GAN: variants seen among roughly 807,000 people sequenced by gnomAD.
The protein encoded by GAN is gigaxonin, also known as epididymis secretory sperm binding protein.
Under a neutral mutation model 71.3 loss-of-function variants are expected in GAN, and 48 were observed. That is an observed-to-expected ratio of 0.67 (90% confidence interval 0.53 to 0.86). GAN has a LOEUF of 0.86. Ranked by LOEUF, GAN falls within the 40% of genes least tolerant of loss-of-function variation. The probability of loss-of-function intolerance (pLI) is 0.00; values close to 1 mark genes in which losing one functional copy is unlikely to be tolerated. For missense variants in GAN, 928 were observed against 770.1 expected (o/e 1.21, Z -2.43); for synonymous variants, 386 against 276.8 (o/e 1.39, Z -3.92).
At chr16:81,366,094 G>C (rs1240874994) in intron 9 of GAN, among the ~76,000 whole-genome samples, 1 of 152,142 alleles carries the variant, frequency 6.6e-6, no homozygotes, top group Admixed American at 6.5e-5. Flanking sequence ...TTTCAAAACT[G>C]CTTAGTTATC....
In GAN at chr16:81,315,153, G is replaced by C; in HGVS notation, c.40G>C (p.Ala14Pro). Residue 14 changes from alanine to proline, a missense_variant, in exon 1 of 11, where the codon GCG (alanine) becomes CCG (proline). Physicochemically the swap from Ala to Pro is conservative, Grantham distance 27. Coordinates refer to ENST00000648994, the MANE Select transcript of GAN (RefSeq NM_022041.4). ...GSAVSDPQHA[A>P]RLLRALSSFR... ...TGCCGTGTCTGACCCTCAGCACGCC[G>C]CGCGTCTGCTGCGAGCGCTCAGCTC... 1 of 1,548,348 alleles carries C rather than the reference G, an allele frequency of 6.5e-7. No individual in the cohort carries two copies. The highest frequency in any genetic ancestry group is 8.7e-7 in the Non-Finnish European group (1 of 1,149,460).
intron 9 of GAN, among the ~76,000 whole-genome samples, chr16:81,370,128 C>G (rs1030573860): frequency 1.3e-5 from 2 of 152,192 alleles, no homozygotes; most frequent in African/African-American, 4.8e-5. Context: ...TGCCTCAGGG[C>G]TGTATCAACT....
At chr16:81,346,819 A>G (rs1263991263) in intron 1 of GAN, among the ~76,000 whole-genome samples, 1 of 152,212 alleles carries the variant, frequency 6.6e-6, no homozygotes, top group Non-Finnish European at 1.5e-5. Flanking sequence ...GCCTGGCAGG[A>G]GGCAGGTCTC....
At chr16:81,369,890 C>T (rs1021033318) in intron 9 of GAN, among the ~76,000 whole-genome samples, 2 of 152,244 alleles carry the variant, frequency 1.3e-5, no homozygotes, top group Non-Finnish European at 2.9e-5. Flanking sequence ...TTTTTTAATG[C>T]ACACAGAGAA....
At chr16:81,357,126 T>TC (rs1243703669) in intron 4 of GAN, 124 bp downstream of exon 4, 1 of 749,394 alleles carries the variant, frequency 1.3e-6, no homozygotes, top group Non-Finnish European at 2.4e-6. Context: ...TTTTTTATAC[T>TC]TTAAGTTTTA....
At position 81,365,446 on chromosome 16, in the gene GAN, C is replaced by T; in HGVS notation, c.1470C>T (p.Cys490=). 1 of 1,613,494 alleles carries T rather than the reference C, an allele frequency of 6.2e-7. No homozygotes were observed. The highest frequency in any genetic ancestry group is 8.5e-7 in the Non-Finnish European group (1 of 1,179,858). Residue 490 remains cysteine, a synonymous_variant, in exon 9 of 11, where the codon TGC becomes TGT. Coordinates refer to ENST00000648994, the MANE Select transcript of GAN (RefSeq NM_022041.4). ...EDAQGSEMVT[C]KSEFYHDEFK... ...CCCAGGGTAGCGAGATGGTAACTTGCAAGTCCGAGTTCTACCATGATGAGT... is the reference window on the plus strand; with the variant it reads ...CCCAGGGTAGCGAGATGGTAACTTGTAAGTCCGAGTTCTACCATGATGAGT...
At chr16:81,341,091 G>C (rs553561022) in intron 1 of GAN, among the ~76,000 whole-genome samples, 13 of 151,742 alleles carry the variant, frequency 8.6e-5, no homozygotes, top group African/African-American at 3.1e-4. Flanking sequence ...CAAGATTAGA[G>C]AAAAAAGGAG....
intron 1 of GAN, among the ~76,000 whole-genome samples, chr16:81,322,367 C>G (rs1300535446): frequency 6.6e-6 from 1 of 152,190 alleles, no homozygotes; most frequent in Non-Finnish European, 1.5e-5. Flanking sequence ...TAGGTACTAG[C>G]AAGATGGTGG....
At chr16:81,323,471 A>G (rs1455043777) in intron 1 of GAN, among the ~76,000 whole-genome samples, 1 of 152,214 alleles carries the variant, frequency 6.6e-6, no homozygotes, top group Non-Finnish European at 1.5e-5. Flanking sequence ...AAGTCTTGGG[A>G]CATCCTTAAG....
chr16:81,377,123 C>G (rs765675895), intron 9 of GAN, 96 bp from the exon 10 acceptor site: 1 of 817,976 alleles, frequency 1.2e-6, no homozygotes. Flanking sequence ...GTGCCTGATA[C>G]TGCTGATGAC....
At chr16:81,321,624 A>T (rs58594614) in intron 1 of GAN, among the ~76,000 whole-genome samples, 165 of 152,308 alleles carry the variant, frequency 1.1e-3, no homozygotes, top group African/African-American at 3.8e-3. Flanking sequence ...CTTAAAATCT[A>T]TTTATAATTT....
intron 1 of GAN, among the ~76,000 whole-genome samples, chr16:81,326,169 CT>C (rs1027193436): frequency 5.3e-5 from 8 of 152,134 alleles, no homozygotes; most frequent in African/African-American, 1.9e-4. Context: ...AGCCCATCAT[CT>C]TTTTTGTCCA....
At chr16:81,338,672 A>T (rs1351869644) in intron 1 of GAN, among the ~76,000 whole-genome samples, 1 of 152,214 alleles carries the variant, frequency 6.6e-6, no homozygotes, top group Admixed American at 6.5e-5. Context: ...AAAAGTGAAG[A>T]CAATAAGGGA....
At chr16:81,375,973 C>CAA (rs55948304) in intron 9 of GAN, among the ~76,000 whole-genome samples, 1,706 of 106,498 alleles carry the variant, frequency 0.016, 23 homozygotes, top group Non-Finnish European at 0.025. Flanking sequence ...GACCCTGTCT[C>CAA]AAAAAAAAAA....
At chr16:81,354,865 C>T (rs1910434280) in intron 3 of GAN, 110 bp downstream of exon 3, 1 of 690,814 alleles carries the variant, frequency 1.4e-6, no homozygotes, top group Non-Finnish European at 2.5e-6. Context: ...ATGCAGCAAT[C>T]TAAAAGATAC....
Position 81,315,190 on chromosome 16 carries a change from A to AGTCTCGCTTCTGCGACGC in GAN, c.79_96dup (p.Ser27_Ala32dup). 1 of 1,575,790 alleles carries AGTCTCGCTTCTGCGACGC rather than the reference A, an allele frequency of 6.3e-7. No homozygotes were observed. The highest frequency in any genetic ancestry group is 8.6e-7 in the Non-Finnish European group (1 of 1,163,400). On this transcript the variant is annotated inframe_insertion, in exon 1 of 11. Coordinates refer to ENST00000648994, the MANE Select transcript of GAN (RefSeq NM_022041.4). The stretch of plus-strand genomic sequence containing the variant: ...CGAGCGCTCAGCTCTTTCCGCGAGG[A>AGTCTCGCTTCTGCGACGC]GTCTCGCTTCTGCGACGCGCACCTG...
At chr16:81,328,280 A>G (rs566049473) in intron 1 of GAN, among the ~76,000 whole-genome samples, 13 of 152,320 alleles carry the variant, frequency 8.5e-5, no homozygotes, top group Non-Finnish European at 1.5e-4. Context: ...GTTGAAATCT[A>G]TATTTACCTG....
rs1000603856 is a variant in GAN at position 81,382,990 on chromosome 16, T to G, written c.*5394T>G. On this transcript the variant is annotated 3_prime_UTR_variant, in exon 11 of 11. Coordinates refer to ENST00000648994, the MANE Select transcript of GAN (RefSeq NM_022041.4). ...TTTATTTTATTTTATTTTTTTAAAT[T>G]TCTTTTAGAAACTGGGTTTTGCTCT... 7 of 152,170 alleles carry G rather than the reference T, an allele frequency of 4.6e-5. No individual in the cohort carries two copies. Among genetic ancestry groups the G allele is most frequent in the African/African-American group, 1.7e-4 (7 of 41,568 alleles). 9.4% of individuals were successfully genotyped at this position (152,170 alleles called of 1,614,324 possible).
chr16:81,327,682 G>C lies in GAN; in HGVS notation c.167+12402G>C, dbSNP rs541369085. Among the ~76,000 whole-genome samples, 10 of 152,288 alleles carry C rather than the reference G, an allele frequency of 6.6e-5. No individual in the cohort carries two copies. The South Asian group carries it at 1.0e-3, about 16-fold the overall frequency. On this transcript the variant is annotated intron_variant, in intron 1 of 10. Transcript: ENST00000648994. ...GGAAAGTGAGTAGAAACATGAACTT[G>C]CTTCTGAAGTATGGAGCTCCTATAG...
Sources: gnomAD v4.1 joint callset for allele counts (sites outside exome capture counted in the v4.1 genomes callset) on GRCh38, gnomAD v4.1.1 for gene constraint, MANE v1.5 for transcripts, NCBI Gene and HGNC (gene_info 2026-07-23, HGNC 2026-07-21) for gene names.